SYNGR1: variants seen among roughly 807,000 people sequenced by gnomAD.
SYNGR1 encodes the protein synaptogyrin 1, also known as synaptogyrin-1.
A neutral mutation model predicts 26.1 loss-of-function variants in SYNGR1; 14 were observed. The ratio of observed to expected loss-of-function variants is 0.54; its 90% CI spans 0.35 to 0.84. SYNGR1 has a LOEUF of 0.84. SYNGR1 is among the 40% of genes least tolerant of loss of function. The probability of loss-of-function intolerance (pLI) is 0.01; values close to 1 mark genes in which losing one functional copy is unlikely to be tolerated. For synonymous variants in SYNGR1, 141 were observed against 150.1 expected (o/e 0.94, Z 0.44); for missense variants, 319 against 332.9 (o/e 0.96, Z 0.33).
intron 3 of SYNGR1, chr22:39,378,044 C>T (rs1035634721): frequency 1.8e-5 from 21 of 1,192,056 alleles, no homozygotes; most frequent in African/African-American, 3.2e-5. Context: ...TAGGTAGCGG[C>T]CCCATACATG....
At chr22:39,373,629 G>T (rs561203345) in intron 1 of SYNGR1, among the ~76,000 whole-genome samples, 58 of 151,770 alleles carry the variant, frequency 3.8e-4, no homozygotes, top group African/African-American at 1.4e-3. Context: ...CTACAGGCAC[G>T]CACCACCATA....
At chr22:39,374,574 A>AC (rs780313877) in intron 2 of SYNGR1, 21 bp downstream of exon 2, 17 of 1,610,850 alleles carry the variant, frequency 1.1e-5, no homozygotes, top group Non-Finnish European at 1.4e-5. Context: ...CCCAGCAGGT[A>AC]CCCCCTGCAC....
intron 1 of SYNGR1, among the ~76,000 whole-genome samples, chr22:39,370,408 G>A (rs1305612838): frequency 1.3e-5 from 2 of 152,086 alleles, no homozygotes; most frequent in Non-Finnish European, 2.9e-5. Context: ...GGGATTACAG[G>A]TGTGAGCCAC....
chr22:39,374,202 G>T, intron 1 of SYNGR1, 114 bp from the exon 2 acceptor site: 1 of 941,830 alleles, frequency 1.1e-6, no homozygotes. Flanking sequence ...CTTAACCCGG[G>T]TCTTGTAGCT....
chr22:39,364,075 C>A, intron 1 of SYNGR1: 1 of 1,552,664 alleles, frequency 6.4e-7, no homozygotes, highest in Non-Finnish European at 8.7e-7. Context: ...GGGTCCTAGG[C>A]ACACCCTGGG....
intron 3 of SYNGR1, among the ~76,000 whole-genome samples, chr22:39,378,843 G>A (rs756930368): frequency 5.3e-5 from 8 of 152,240 alleles, no homozygotes; most frequent in Non-Finnish European, 8.8e-5. Flanking sequence ...CTTTGCTCCT[G>A]TCTTGTGGCC....
chr22:39,384,426 G>C lies in SYNGR1; in HGVS notation c.*2512G>C, dbSNP rs1362069819. On this transcript the variant is annotated 3_prime_UTR_variant, in exon 4 of 4. Coordinates refer to ENST00000328933, the MANE Select transcript of SYNGR1 (RefSeq NM_004711.5). ...CACGAAGAATCCCTCACTCTTCCCG[G>C]GTTCAGCCCAGAAGCCCTTCCAGGC... The C allele has an allele frequency of 2.5e-6, 1 of 397,960 alleles. No homozygotes were observed. The highest frequency in any genetic ancestry group is 4.4e-6 in the Non-Finnish European group (1 of 226,060). 24.7% of individuals were successfully genotyped at this position (397,960 alleles called of 1,614,324 possible). A position where few individuals can be genotyped will look rare whatever the true frequency, so the allele number is the denominator to read the frequency against.
intron 1 of SYNGR1, among the ~76,000 whole-genome samples, chr22:39,354,679 A>T (rs1888421712): frequency 6.6e-6 from 1 of 152,122 alleles, no homozygotes; most frequent in Non-Finnish European, 1.5e-5. Context: ...ATCTCTACTA[A>T]AATACAAAAA....
At chr22:39,362,759 A>C (rs1924541268) in intron 1 of SYNGR1, among the ~76,000 whole-genome samples, 1 of 152,014 alleles carries the variant, frequency 6.6e-6, no homozygotes, top group Admixed American at 6.6e-5. Flanking sequence ...CTCCCTGTGC[A>C]CAGGGGTGTG....
At chr22:39,356,464 G>A (rs1216773189) in intron 1 of SYNGR1, among the ~76,000 whole-genome samples, 4 of 152,318 alleles carry the variant, frequency 2.6e-5, no homozygotes, top group African/African-American at 4.8e-5. Flanking sequence ...CACTGGGATC[G>A]GAACCCATGG....
rs1375814715 is a variant in SYNGR1 at position 39,385,189 on chromosome 22, T to C, written c.*3275T>C. Reference sequence around the variant, plus strand: ...GGGGAATGCCCCTCCCAGGAGTTTATGGGAGAAGGGACTGGGCCGGCTGCC... The same window carrying C: ...GGGGAATGCCCCTCCCAGGAGTTTACGGGAGAAGGGACTGGGCCGGCTGCC... On this transcript the variant is annotated 3_prime_UTR_variant, in exon 4 of 4. Coordinates refer to ENST00000328933, the MANE Select transcript of SYNGR1 (RefSeq NM_004711.5). 6 of 394,578 alleles carry C rather than the reference T, an allele frequency of 1.5e-5. No homozygotes were observed. The highest frequency in any genetic ancestry group is 4.5e-6 in the Non-Finnish European group (1 of 223,692). 24.4% of individuals were successfully genotyped at this position (394,578 alleles called of 1,614,324 possible).
chr22:39,359,586 G>A (rs1329892947), intron 1 of SYNGR1, among the ~76,000 whole-genome samples: 5 of 135,504 alleles, frequency 3.7e-5, no homozygotes, highest in South Asian at 2.3e-4. Context: ...AGCCAAGATC[G>A]CGCCACCGCA....
chr22:39,366,557 A>C (rs1173800880), intron 1 of SYNGR1, among the ~76,000 whole-genome samples: 1 of 152,032 alleles, frequency 6.6e-6, no homozygotes, highest in Non-Finnish European at 1.5e-5. Context: ...GAGGCAGGAG[A>C]ATCACTTGAA....
At position 39,374,404 on chromosome 22, in the gene SYNGR1, G is replaced by A. The variant is rs774993653; in HGVS notation, c.188G>A (p.Arg63His). The part of the protein sequence containing the change: ...SEGEEFCIYN[R>H]NPNACSYGVA... The stretch of plus-strand genomic sequence containing the variant: ...GGGGAGGAGTTCTGCATCTACAACC[G>A]CAACCCCAACGCCTGCAGCTATGGC... The change falls in exon 2 of 4, where the codon CGC becomes CAC. Residue 63 changes from arginine to histidine, a missense_variant. Coordinates refer to ENST00000328933, the MANE Select transcript of SYNGR1 (RefSeq NM_004711.5). 39 of 1,613,922 alleles carry A rather than the reference G, an allele frequency of 2.4e-5. No homozygotes were observed. The highest frequency in any genetic ancestry group is 5.3e-5 in the African/African-American group (4 of 74,934).
chr22:39,374,253 G>GTT, intron 1 of SYNGR1, 63 bp from the exon 2 acceptor site: 1 of 1,530,646 alleles, frequency 6.5e-7, no homozygotes, highest in East Asian at 2.3e-5. Flanking sequence ...CAGCCTCCCC[G>GTT]TCCCCTGGGT....
intron 1 of SYNGR1, among the ~76,000 whole-genome samples, chr22:39,369,532 A>G (rs1263741883): frequency 6.6e-6 from 1 of 152,010 alleles, no homozygotes; most frequent in Non-Finnish European, 1.5e-5. Context: ...AGTAAATTCC[A>G]TCCCTTCTTC....
intron 1 of SYNGR1, among the ~76,000 whole-genome samples, chr22:39,351,827 G>GC: frequency 6.6e-6 from 1 of 152,370 alleles, no homozygotes; most frequent in Middle Eastern, 3.4e-3. Flanking sequence ...GGCAGAGGCC[G>GC]CAAGAGCCAG....
At chr22:39,378,595 A>T (rs2145633724) in intron 3 of SYNGR1, among the ~76,000 whole-genome samples, 1 of 152,336 alleles carries the variant, frequency 6.6e-6, no homozygotes, top group Middle Eastern at 3.4e-3. Flanking sequence ...GGTGGAGCAC[A>T]GACAGTTCCC....
Position 39,381,975 on chromosome 22 carries a change from C to A in SYNGR1, c.*61C>A. On this transcript the variant is annotated 3_prime_UTR_variant, in exon 4 of 4. Transcript: ENST00000328933. Reference sequence around the variant, plus strand: ...TGTCCCCTCTCTCCACACCCAGCCCCTGCTCCTGCCCAGGCTGCCCTGCCC... The same window carrying A: ...TGTCCCCTCTCTCCACACCCAGCCCATGCTCCTGCCCAGGCTGCCCTGCCC... 1 of 1,524,268 alleles carries A rather than the reference C, an allele frequency of 6.6e-7. No individual in the cohort carries two copies. Among genetic ancestry groups the A allele is most frequent in the East Asian group, 2.4e-5 (1 of 41,174 alleles). 94.4% of individuals were successfully genotyped at this position (1,524,268 alleles called of 1,614,324 possible). A position where few individuals can be genotyped will look rare whatever the true frequency, so the allele number is the denominator to read the frequency against.
Sources: gnomAD v4.1 joint callset for allele counts (sites outside exome capture counted in the v4.1 genomes callset) on GRCh38, gnomAD v4.1.1 for gene constraint, MANE v1.5 for transcripts, NCBI Gene and HGNC (gene_info 2026-07-23, HGNC 2026-07-21) for gene names.